The following RAD51B variants were observed in gnomAD, a reference collection of about 807,000 sequenced individuals.
The protein encoded by RAD51B is RAD51 paralog B, also known as DNA repair protein RAD51 homolog 2.
Under a neutral mutation model 42.2 loss-of-function variants are expected in RAD51B, and 38 were observed. The ratio of observed to expected loss-of-function variants is 0.90; its 90% CI spans 0.70 to 1.18. The LOEUF is 1.18. Among genes scored for constraint, RAD51B ranks in the 50% most tolerant of loss-of-function variants. RAD51B has a pLI of 0.00. For missense variants in RAD51B, 373 were observed against 400.7 expected (o/e 0.93, Z 0.59); for synonymous variants, 154 against 145.2 (o/e 1.06, Z -0.43).
intron 7 of RAD51B, among the ~76,000 whole-genome samples, chr14:68,183,509 C>T (rs1039238768): frequency 6.6e-6 from 1 of 152,198 alleles, no homozygotes; most frequent in Admixed American, 6.5e-5. Context: ...TGGCAACACC[C>T]TCACAGACAC....
At chr14:68,654,253 C>T (rs1245914674) in intron 11 of RAD51B, among the ~76,000 whole-genome samples, 1 of 152,216 alleles carries the variant, frequency 6.6e-6, no homozygotes, top group Non-Finnish European at 1.5e-5. Context: ...CTGATGGAAT[C>T]CTGGTGGTTC....
At position 68,555,627 on chromosome 14, in the gene RAD51B, G is replaced by A. The variant is rs539073654; in HGVS notation, c.1037-38858G>A. 2.1e-4 allele frequency among the ~76,000 whole-genome samples: 32 copies of A among 152,304 alleles called. No homozygotes were observed. In the South Asian group the frequency reaches 6.2e-3, roughly 30 times the overall value. On this transcript the variant is annotated intron_variant, in intron 10 of 10. Coordinates refer to the RAD51B transcript ENST00000487270. The stretch of plus-strand genomic sequence containing the variant: ...GCTGTTTGCTCACTGACAGCCATGG[G>A]GTTGCAAAGGATCCCTTCTCTTCAG...
chr14:68,537,587 T>C lies in RAD51B; in HGVS notation c.1037-56898T>C, dbSNP rs112714905. 3.3e-5 allele frequency among the ~76,000 whole-genome samples: 5 copies of C among 152,194 alleles called. 1 individual carries two copies. The highest frequency in any genetic ancestry group is 1.2e-4 in the African/African-American group (5 of 41,512). On this transcript the variant is annotated intron_variant, in intron 10 of 10. Coordinates refer to the RAD51B transcript ENST00000487270. Reference sequence around the variant, plus strand: ...CTCTGCAATATCCTTTTAAGATCAGTGTGATAGGAGACCCATCCTAAGGGA... The same window carrying C: ...CTCTGCAATATCCTTTTAAGATCAGCGTGATAGGAGACCCATCCTAAGGGA...
rs145922644 is a variant in RAD51B, at chr14:67,827,454, A to G, written c.198+1877A>G. On this transcript the variant is annotated intron_variant, in intron 3 of 10. Coordinates refer to ENST00000471583, the MANE Select transcript of RAD51B (RefSeq NM_133510.4). ...CTTATATTTCAGCACTGCCCTAAAC[A>G]CTGGCTTAGTTTTTTTTTTTTCCAA... 3.5e-3 allele frequency among the ~76,000 whole-genome samples: 503 copies of G among 144,714 alleles called. 6 individuals carry two copies. The highest frequency in any genetic ancestry group is 0.012 in the African/African-American group (472 of 38,910). The allele number at this position is 144,714 out of a possible 152,430, so 94.9% of individuals were successfully genotyped here.
At chr14:68,087,929 AT>A (rs1566634409) in intron 7 of RAD51B, among the ~76,000 whole-genome samples, 1 of 115,942 alleles carries the variant, frequency 8.6e-6, no homozygotes, top group Admixed American at 1.0e-4. Context: ...ATTATATATA[AT>A]TATATAATTT....
At chr14:67,923,091 G>C (rs2044381261) in intron 7 of RAD51B, among the ~76,000 whole-genome samples, 1 of 152,058 alleles carries the variant, frequency 6.6e-6, no homozygotes, top group Non-Finnish European at 1.5e-5. Flanking sequence ...TCATAGCTTA[G>C]CTCCCACCTG....
Position 68,602,506 on chromosome 14 carries a change from C to CTAGCTAGCTAGA in RAD51B, c.1037-8497_1037-8496insCTAGCTAGATAG, listed in dbSNP as rs796356164. ...GGATGGATGATGGATGGATGGATAG[C>CTAGCTAGCTAGA]TAGATAGATAGCTAGCTAGATAGAT... On this transcript the variant is annotated intron_variant, in intron 10 of 10. Coordinates refer to the RAD51B transcript ENST00000487861. Among the ~76,000 whole-genome samples, 901 of 149,010 alleles carry CTAGCTAGCTAGA rather than the reference C, an allele frequency of 6.0e-3. 3 individuals are homozygous for CTAGCTAGCTAGA. Among genetic ancestry groups the CTAGCTAGCTAGA allele is most frequent in the African/African-American group, 7.3e-3 (294 of 40,518 alleles).
intron 10 of RAD51B, among the ~76,000 whole-genome samples, chr14:68,602,110 A>C (rs1442649901): frequency 6.6e-6 from 1 of 151,586 alleles, no homozygotes; most frequent in Non-Finnish European, 1.5e-5. Context: ...ACTGTATTTG[A>C]CCTCTGGCCC....
intron 7 of RAD51B, among the ~76,000 whole-genome samples, chr14:68,136,602 G>A (rs1046855444): frequency 0.033 from 987 of 30,110 alleles, 1 homozygote; most frequent in African/African-American, 0.077. Context: ...AAAAAAAAAA[G>A]AAGTAGACCA....
chr14:68,290,592 T>A (rs939338954), intron 7 of RAD51B, among the ~76,000 whole-genome samples: 1 of 152,214 alleles, frequency 6.6e-6, no homozygotes, highest in Non-Finnish European at 1.5e-5. Flanking sequence ...ATTATGCTCA[T>A]TTGTGTCTTA....
intron 7 of RAD51B, among the ~76,000 whole-genome samples, chr14:68,184,625 C>CGA (rs67288782): frequency 4.5e-5 from 6 of 132,390 alleles, no homozygotes; most frequent in African/African-American, 1.7e-4. Context: ...AAAAAAAAAC[C>CGA]AAAAAAAAAA....
intron 7 of RAD51B, among the ~76,000 whole-genome samples, chr14:67,959,251 ATT>A (rs879532529): frequency 6.9e-6 from 1 of 145,540 alleles, no homozygotes; most frequent in Non-Finnish European, 1.5e-5. Flanking sequence ...TTTGGTCAAT[ATT>A]TTTTTTTTTT....
At chr14:68,459,035 A>G (rs1032975265) in intron 9 of RAD51B, among the ~76,000 whole-genome samples, 20 of 152,312 alleles carry the variant, frequency 1.3e-4, no homozygotes, top group South Asian at 6.2e-4. Context: ...CTAAGATCCA[A>G]CTACAGACTG....
chr14:68,414,458 A>G (rs1203401468), intron 9 of RAD51B, among the ~76,000 whole-genome samples: 1 of 151,968 alleles, frequency 6.6e-6, no homozygotes, highest in African/African-American at 2.4e-5. Flanking sequence ...GGCCTCTCCT[A>G]CTTTTTGTAG....
intron 7 of RAD51B, among the ~76,000 whole-genome samples, chr14:68,227,645 C>T (rs949203239): frequency 5.3e-5 from 8 of 152,152 alleles, no homozygotes; most frequent in Admixed American, 6.5e-5. Flanking sequence ...AGACCAAACC[C>T]CTCCCAGGTC....
intron 10 of RAD51B, among the ~76,000 whole-genome samples, chr14:68,643,420 G>A (rs930395092): frequency 6.6e-6 from 1 of 152,170 alleles, no homozygotes; most frequent in Non-Finnish European, 1.5e-5. Flanking sequence ...TAGATTTCTT[G>A]TAGACAACAT....
At chr14:68,328,791 A>G (rs2082294054) in intron 8 of RAD51B, among the ~76,000 whole-genome samples, 1 of 152,172 alleles carries the variant, frequency 6.6e-6, no homozygotes, top group Non-Finnish European at 1.5e-5. Context: ...TCTGTAAGCT[A>G]GGGTCACTAA....
At chr14:68,489,327 G>A (rs934120991) in intron 10 of RAD51B, among the ~76,000 whole-genome samples, 1 of 152,116 alleles carries the variant, frequency 6.6e-6, no homozygotes, top group Non-Finnish European at 1.5e-5. Flanking sequence ...AGACTGCCTG[G>A]GTTCATACTG....
At chr14:68,523,803 A>G (rs1031656397) in intron 10 of RAD51B, among the ~76,000 whole-genome samples, 2 of 152,206 alleles carry the variant, frequency 1.3e-5, no homozygotes, top group African/African-American at 4.8e-5. Context: ...GTTTGGTTGA[A>G]AAAACAAAAA....
Sources: gnomAD v4.1 joint callset for allele counts (sites outside exome capture counted in the v4.1 genomes callset) on GRCh38, gnomAD v4.1.1 for gene constraint, MANE v1.5 for transcripts, NCBI Gene and HGNC (gene_info 2026-07-23, HGNC 2026-07-21) for gene names.